Variants in DEGS2 observed in about 807,000 individuals in gnomAD.
DEGS2 encodes the protein delta 4-desaturase, sphingolipid 2, also known as sphingolipid delta(4)-desaturase/C4-monooxygenase DES2.
A neutral mutation model predicts 23.8 loss-of-function variants in DEGS2; 19 were observed. The observed-to-expected ratio is 0.80, with a 90% CI of 0.56 to 1.17. The LOEUF (loss-of-function observed/expected upper bound fraction) is 1.17, where lower values mean the gene tolerates loss of function less well. Ranked by LOEUF, DEGS2 falls within the 50% of genes most tolerant of loss-of-function variation. The pLI is 0.00. For missense variants in DEGS2, 390 were observed against 459.5 expected (o/e 0.85, Z 1.38); for synonymous variants, 218 against 213.7 (o/e 1.02, Z -0.18).
At position 100,144,100 on chromosome 14, in the gene DEGS2, C is replaced by T; in HGVS notation, c.*2661G>A. Reference sequence around the variant, plus strand: ...TTAGCGCCTCAGCTGGCGGTGACAGCCGGCCCAGCGTGGCGCCACCACACA... The same window carrying T: ...TTAGCGCCTCAGCTGGCGGTGACAGTCGGCCCAGCGTGGCGCCACCACACA... On this transcript the variant is annotated 3_prime_UTR_variant, in exon 3 of 3. Transcript: ENST00000305631. 6.0e-6 allele frequency: 2 copies of T among 333,994 alleles called. No homozygotes were observed. The highest frequency in any genetic ancestry group is 1.1e-5 in the Non-Finnish European group (2 of 179,096). The allele number at this position is 333,994 out of a possible 1,614,324, so 20.7% of individuals were successfully genotyped here. A position where few individuals can be genotyped will look rare whatever the true frequency, so the allele number is the denominator to read the frequency against.
chr14:100,156,043 C>T (rs1229111702), intron 1 of DEGS2, among the ~76,000 whole-genome samples: 1 of 152,190 alleles, frequency 6.6e-6, no homozygotes, highest in Non-Finnish European at 1.5e-5. Flanking sequence ...TCCCCCTCCC[C>T]GGCAGGAGCT....
At chr14:100,166,485 A>G in the DEGS2 span, among the ~76,000 whole-genome samples, 2 of 152,044 alleles carry the variant, frequency 1.3e-5, no homozygotes, top group Non-Finnish European at 2.9e-5. Flanking sequence ...ACAATGTTTC[A>G]TAGAAGAACA....
At position 100,145,155 on chromosome 14, in the gene DEGS2, C is replaced by T. The variant is rs905512592; in HGVS notation, c.*1606G>A. On this transcript the variant is annotated 3_prime_UTR_variant, in exon 3 of 3. Transcript: ENST00000305631. ...GAGCGCTCAAAGGACTGTCTGTCTT[C>T]GGAGCCACCCTCTGACCCTGGGCCT... The T allele has an allele frequency of 4.6e-5, 7 of 152,344 alleles. No individual in the cohort carries two copies. The highest frequency in any genetic ancestry group is 1.7e-4 in the African/African-American group (7 of 41,454). 9.4% of individuals were successfully genotyped at this position (152,344 alleles called of 1,614,324 possible).
At chr14:100,147,576 G>A (rs887653746) in intron 2 of DEGS2, among the ~76,000 whole-genome samples, 6 of 150,564 alleles carry the variant, frequency 4.0e-5, no homozygotes, top group East Asian at 3.9e-4. Context: ...TTCAGCGCCC[G>A]CAACTGCGCC....
rs1280070009 is a variant in DEGS2 at position 100,159,638 on chromosome 14, C to T, written c.-51G>A. On this transcript the variant is annotated 5_prime_UTR_variant, in exon 1 of 3. The change creates a new upstream start codon in the 5' untranslated region. Transcript: ENST00000305631. Reference sequence around the variant, plus strand: ...GCGCGGCCGGCTCGGCTCTGCTGCACCTGTCGCGGCGGCCGCGGCGCGGAA... The same window carrying T: ...GCGCGGCCGGCTCGGCTCTGCTGCATCTGTCGCGGCGGCCGCGGCGCGGAA... 3.1e-6 allele frequency: 4 copies of T among 1,300,572 alleles called. No homozygotes were observed. Among genetic ancestry groups the T allele is most frequent in the Non-Finnish European group, 4.0e-6 (4 of 990,220 alleles). 80.6% of individuals were successfully genotyped at this position (1,300,572 alleles called of 1,614,324 possible).
rs1454712185 is a variant in DEGS2 at position 100,149,168 on chromosome 14, C to T, written c.625G>A (p.Val209Met). 7.4e-6 allele frequency: 12 copies of T among 1,612,716 alleles called. No individual in the cohort carries two copies. The highest frequency in any genetic ancestry group is 2.7e-5 in the African/African-American group (2 of 74,938). ...AAGGAGCTGGCCAGCAGGTAGACCA[C>T]GGGCTTGAGCCCCCAAAGGGCAAAG... The part of the protein sequence containing the change: ...AIFALWGLKP[V>M]VYLLASSFLG... Residue 209 changes from valine (V) to methionine (M), a missense_variant, in exon 2 of 3, where the codon GTG (valine) becomes ATG (methionine). Val to Met is a conservative substitution (Grantham distance 21). Transcript: ENST00000305631.
At position 100,146,637 on chromosome 14, in the gene DEGS2, G is replaced by T; in HGVS notation, c.*124C>A. 7.1e-7 allele frequency: 1 copy of T among 1,403,552 alleles called. No homozygotes were observed. Among genetic ancestry groups the T allele is most frequent in the Non-Finnish European group, 9.6e-7 (1 of 1,039,764 alleles). The allele number at this position is 1,403,552 out of a possible 1,614,324, so 86.9% of individuals were successfully genotyped here. On this transcript the variant is annotated 3_prime_UTR_variant, in exon 3 of 3. Coordinates refer to ENST00000305631, the MANE Select transcript of DEGS2 (RefSeq NM_206918.3). ...GCTGTTGCCAGGTGTGGCTGCGCGGGACACTCCTCGGGGACAAGGGCAGCA... is the reference window on the plus strand; with the variant it reads ...GCTGTTGCCAGGTGTGGCTGCGCGGTACACTCCTCGGGGACAAGGGCAGCA...
At chr14:100,166,550 G>A in the DEGS2 span, among the ~76,000 whole-genome samples, 84 of 152,176 alleles carry the variant, frequency 5.5e-4, no homozygotes, top group South Asian at 1.0e-3. Context: ...CAGTGGATTC[G>A]GGAGCATGAA....
chr14:100,149,815 A>C, intron 1 of DEGS2, 105 bp from the exon 2 acceptor site: 3 of 1,221,220 alleles, frequency 2.5e-6, no homozygotes, highest in Non-Finnish European at 3.4e-6. Flanking sequence ...GGGAGTGGCC[A>C]GCAAACCTCG....
At chr14:100,154,842 AG>A (rs1483968394) in intron 1 of DEGS2, among the ~76,000 whole-genome samples, 1 of 152,216 alleles carries the variant, frequency 6.6e-6, no homozygotes, top group Non-Finnish European at 1.5e-5. Context: ...TAGCAGAGAC[AG>A]GGCCCCCCCA....
the DEGS2 span, among the ~76,000 whole-genome samples, chr14:100,165,185 C>T: frequency 6.6e-6 from 1 of 152,290 alleles, no homozygotes; most frequent in East Asian, 1.9e-4. Flanking sequence ...GGCCAATATT[C>T]CCCTGCCCTG....
At chr14:100,165,560 C>T in the DEGS2 span, among the ~76,000 whole-genome samples, 954 of 152,340 alleles carry the variant, frequency 6.3e-3, 12 homozygotes, top group African/African-American at 0.022. Flanking sequence ...GCGCTGCTCT[C>T]GGTAACTGGT....
At chr14:100,147,705 C>T (rs996195229) in intron 2 of DEGS2, among the ~76,000 whole-genome samples, 10 of 148,880 alleles carry the variant, frequency 6.7e-5, no homozygotes, top group Non-Finnish European at 1.5e-4. Flanking sequence ...TGCCCTGTCA[C>T]CTCCTAAGGA....
intron 1 of DEGS2, 100 bp downstream of exon 1, chr14:100,159,406 G>A (rs1452749904): frequency 2.1e-6 from 2 of 967,168 alleles, no homozygotes; most frequent in Non-Finnish European, 2.9e-6. Flanking sequence ...TGGAATTTGG[G>A]CCAGAGCTGG....
Position 100,143,999 on chromosome 14 carries a change from T to C in DEGS2, c.*2762A>G, listed in dbSNP as rs893259187. The C allele has an allele frequency of 7.6e-6, 4 of 525,008 alleles. No homozygotes were observed. The highest frequency in any genetic ancestry group is 5.3e-5 in the South Asian group (2 of 37,630). The allele number at this position is 525,008 out of a possible 1,614,324, so 32.5% of individuals were successfully genotyped here. A position where few individuals can be genotyped will look rare whatever the true frequency, so the allele number is the denominator to read the frequency against. ...TATATTTGCTTATTTAAGGTACATT[T>C]CTTTGGGTTTCTAGAGACGCCCCTA... On this transcript the variant is annotated 3_prime_UTR_variant, in exon 3 of 3. Transcript: ENST00000305631.
intron 2 of DEGS2, among the ~76,000 whole-genome samples, chr14:100,147,356 G>A (rs1329724671): frequency 6.6e-6 from 1 of 152,262 alleles, no homozygotes; most frequent in East Asian, 1.9e-4. Context: ...GAGTTCTCCC[G>A]CAGCGCCTGC....
chr14:100,153,203 C>A (rs1889601908), intron 1 of DEGS2, among the ~76,000 whole-genome samples: 1 of 152,076 alleles, frequency 6.6e-6, no homozygotes, highest in Non-Finnish European at 1.5e-5. Context: ...CTGCAGTGAG[C>A]CGCAATTGCA....
chr14:100,154,222 G>A (rs1667480110), intron 1 of DEGS2, among the ~76,000 whole-genome samples: 1 of 152,178 alleles, frequency 6.6e-6, no homozygotes, highest in South Asian at 2.1e-4. Flanking sequence ...AAAATCAGCT[G>A]GACAAGGTGG....
chr14:100,153,634 G>A (rs977820757), intron 1 of DEGS2, among the ~76,000 whole-genome samples: 3 of 152,256 alleles, frequency 2.0e-5, no homozygotes, highest in Non-Finnish European at 4.4e-5. Flanking sequence ...CTGACCTCAG[G>A]TGTGACTCTG....
Sources: allele counts gnomAD v4.1 joint callset (sites outside exome capture counted in the v4.1 genomes callset), GRCh38; gene constraint gnomAD v4.1.1; transcripts MANE v1.5; gene names NCBI Gene and HGNC (gene_info 2026-07-23, HGNC 2026-07-21).